USP14: variants seen among roughly 807,000 people sequenced by gnomAD.
The protein encoded by USP14 is ubiquitin specific peptidase 14.
USP14 carries 38 observed loss-of-function variants against 76.5 expected under a neutral mutation model. That is an observed-to-expected ratio of 0.50 (90% CI 0.38 to 0.65). USP14 has a LOEUF of 0.65. Among genes scored for constraint, USP14 ranks in the 30% least tolerant of loss-of-function variants. USP14 has a pLI of 0.00. For missense variants in USP14, 467 were observed against 586.5 expected (o/e 0.80, Z 2.10); for synonymous variants, 192 against 191.7 (o/e 1.00, Z -0.01).
chr18:194,552 T>C (rs1910179297), intron 6 of USP14, among the ~76,000 whole-genome samples: 3 of 152,340 alleles, frequency 2.0e-5, no homozygotes, highest in Admixed American at 1.3e-4. Context: ...TGAACCATTT[T>C]AGAATAAGGC....
chr18:181,009 A>T (rs1368331448), intron 5 of USP14, among the ~76,000 whole-genome samples: 10 of 151,504 alleles, frequency 6.6e-5, no homozygotes, highest in African/African-American at 2.4e-4. Context: ...CACACGTAAC[A>T]CCTCATTCCT....
At chr18:167,909 G>A (rs1175414136) in intron 3 of USP14, among the ~76,000 whole-genome samples, 1 of 147,202 alleles carries the variant, frequency 6.8e-6, no homozygotes, top group African/African-American at 2.5e-5. Context: ...TGGCTAGAAT[G>A]TAAAAATACA....
chr18:168,451 T>C (rs1030911180), intron 3 of USP14, among the ~76,000 whole-genome samples: 3 of 152,142 alleles, frequency 2.0e-5, no homozygotes, highest in African/African-American at 7.2e-5. Context: ...CTTCTTTTTT[T>C]TGAGACAGAG....
At chr18:172,996 G>T (rs928987385) in intron 3 of USP14, among the ~76,000 whole-genome samples, 1 of 151,552 alleles carries the variant, frequency 6.6e-6, no homozygotes, top group African/African-American at 2.4e-5. Flanking sequence ...TTAGTGATTT[G>T]TACTATGTTG....
intron 5 of USP14, among the ~76,000 whole-genome samples, chr18:188,178 CCTT>C (rs1454725705): frequency 1.3e-5 from 2 of 151,038 alleles, no homozygotes; most frequent in African/African-American, 4.9e-5. Flanking sequence ...CTTTTTTTCT[CCTT>C]GTCTTCTTCC....
intron 5 of USP14, among the ~76,000 whole-genome samples, chr18:181,068 G>T (rs142423837): frequency 0.055 from 8,242 of 150,116 alleles, 281 homozygotes; most frequent in Non-Finnish European, 0.082. Flanking sequence ...TACAGCACAC[G>T]TAACACCTCA....
chr18:208,662 A>T (rs1910590770), intron 13 of USP14, among the ~76,000 whole-genome samples: 1 of 152,102 alleles, frequency 6.6e-6, no homozygotes, highest in Non-Finnish European at 1.5e-5. Flanking sequence ...GAAGGGTCTA[A>T]GTAATTTTCC....
chr18:177,072 G>A (rs1224954597), intron 3 of USP14, among the ~76,000 whole-genome samples: 1 of 151,982 alleles, frequency 6.6e-6, no homozygotes, highest in Non-Finnish European at 1.5e-5. Context: ...AGCTTGTCAT[G>A]TCTTCCAGTT....
At position 214,621 on chromosome 18, in the gene USP14, A is replaced by G; in HGVS notation, c.*3337A>G. On this transcript the variant is annotated 3_prime_UTR_variant, in exon 16 of 16. Coordinates refer to ENST00000261601, the MANE Select transcript of USP14 (RefSeq NM_005151.4). Reference sequence around the variant, plus strand: ...CAGTTTTAATAAAAAGAAAAAAAAAAGAAGCTAACTATTTGTCTCATTGTC... The same window carrying G: ...CAGTTTTAATAAAAAGAAAAAAAAAGGAAGCTAACTATTTGTCTCATTGTC... 6.3e-7 allele frequency: 1 copy of G among 1,583,442 alleles called. No homozygotes were observed. Among genetic ancestry groups the G allele is most frequent in the African/African-American group, 1.4e-5 (1 of 73,280 alleles).
chr18:174,803 G>A (rs904837821), intron 3 of USP14, among the ~76,000 whole-genome samples: 1 of 151,244 alleles, frequency 6.6e-6, no homozygotes, highest in Non-Finnish European at 1.5e-5. Flanking sequence ...ACAGAGTCTT[G>A]CTCTGTTGCT....
intron 2 of USP14, among the ~76,000 whole-genome samples, chr18:164,679 C>G (rs2144209074): frequency 6.6e-6 from 1 of 152,252 alleles, no homozygotes; most frequent in East Asian, 1.9e-4. Context: ...GTCTTGAACT[C>G]CTGACCTCAA....
chr18:177,988 A>G (rs1272288319), intron 3 of USP14, among the ~76,000 whole-genome samples: 1 of 151,362 alleles, frequency 6.6e-6, no homozygotes, highest in African/African-American at 2.4e-5. Context: ...AGACATTCAC[A>G]GAAATAATTT....
In USP14 at chr18:213,007, T is replaced by C. The variant is rs1488143817; in HGVS notation, c.*1723T>C. The C allele has an allele frequency of 1.3e-5, 2 of 152,244 alleles. No homozygotes were observed. The highest frequency in any genetic ancestry group is 2.9e-5 in the Non-Finnish European group (2 of 68,042). 9.4% of individuals were successfully genotyped at this position (152,244 alleles called of 1,614,324 possible). A position where few individuals can be genotyped will look rare whatever the true frequency, so the allele number is the denominator to read the frequency against. ...AAAATAAGCATTGCAGGGAAACTTA[T>C]TTGTAAATAGCTTCCTCACCTAAAC... is the stretch of plus-strand genomic sequence containing the variant. On this transcript the variant is annotated 3_prime_UTR_variant, in exon 16 of 16. Coordinates refer to ENST00000261601, the MANE Select transcript of USP14 (RefSeq NM_005151.4).
At chr18:159,336 G>T (rs941983000) in intron 1 of USP14, among the ~76,000 whole-genome samples, 5 of 152,188 alleles carry the variant, frequency 3.3e-5, no homozygotes, top group African/African-American at 9.6e-5. Context: ...AGAAGTAGAT[G>T]AATACACATA....
At chr18:165,816 T>C (rs1416055816) in intron 2 of USP14, among the ~76,000 whole-genome samples, 2 of 152,166 alleles carry the variant, frequency 1.3e-5, no homozygotes, top group Non-Finnish European at 2.9e-5. Flanking sequence ...GAAGGGCCTT[T>C]AGGAAGTTAC....
chr18:177,175 T>C (rs1909649760), intron 3 of USP14, among the ~76,000 whole-genome samples: 1 of 152,130 alleles, frequency 6.6e-6, no homozygotes, highest in African/African-American at 2.4e-5. Context: ...TTCTTAGATA[T>C]ATGTTGGCAT....
chr18:188,543 TGTTACA>T (rs1390890554), intron 5 of USP14, among the ~76,000 whole-genome samples: 2 of 150,602 alleles, frequency 1.3e-5, no homozygotes, highest in East Asian at 3.9e-4. Context: ...GAGGGTTTGG[TGTTACA>T]GTTATGCTAG....
chr18:160,887 A>G (rs551835), intron 1 of USP14, among the ~76,000 whole-genome samples: 26,614 of 152,150 alleles, frequency 0.17, 2,549 homozygotes, highest in Non-Finnish European at 0.23. Context: ...TTCAGGAATT[A>G]CACATTGCCT....
At chr18:201,004 T>C (rs1910370623) in intron 10 of USP14, among the ~76,000 whole-genome samples, 1 of 152,232 alleles carries the variant, frequency 6.6e-6, no homozygotes, top group Admixed American at 6.5e-5. Flanking sequence ...GGTTTTGTCA[T>C]GTTAGCCTGG....
Sources: allele counts gnomAD v4.1 joint callset (sites outside exome capture counted in the v4.1 genomes callset), GRCh38; gene constraint gnomAD v4.1.1; transcripts MANE v1.5; gene names NCBI Gene and HGNC (gene_info 2026-07-23, HGNC 2026-07-21).